Variants in SEC23B observed in about 807,000 individuals in gnomAD.
SEC23B encodes the protein protein transport protein Sec23B.
A neutral mutation model predicts 104.3 loss-of-function variants in SEC23B; 77 were observed. That is an observed-to-expected ratio of 0.74 (90% confidence interval 0.61 to 0.89). SEC23B has a LOEUF of 0.89. Among genes scored for constraint, SEC23B ranks in the 40% least tolerant of loss-of-function variants. SEC23B has a pLI of 0.00. For synonymous variants in SEC23B, 338 were observed against 332.5 expected (o/e 1.02, Z -0.18); for missense variants, 885 against 949.4 (o/e 0.93, Z 0.89).
intron 19 of SEC23B, 22 bp downstream of exon 19, chr20:18,555,195 G>A (rs1171171166): frequency 6.9e-6 from 11 of 1,590,188 alleles, no homozygotes; most frequent in Non-Finnish European, 9.5e-6. Context: ...TCAGGTATTT[G>A]GGGAGGATGC....
intron 19 of SEC23B, among the ~76,000 whole-genome samples, chr20:18,559,208 G>A (rs1158982944): frequency 2.0e-5 from 3 of 152,096 alleles, no homozygotes; most frequent in Non-Finnish European, 4.4e-5. Flanking sequence ...GGGAATGAGA[G>A]TTCCAGCTCC....
chr20:18,511,090 A>G (rs2059978355), intron 2 of SEC23B, 34 bp downstream of exon 2: 1 of 1,471,542 alleles, frequency 6.8e-7, no homozygotes, highest in Admixed American at 1.7e-5. Flanking sequence ...AAAAATGATA[A>G]ATACAATATA....
intron 4 of SEC23B, among the ~76,000 whole-genome samples, chr20:18,522,631 T>A (rs2060094544): frequency 6.6e-6 from 1 of 152,072 alleles, no homozygotes; most frequent in Non-Finnish European, 1.5e-5. Context: ...CTGACCCGGG[T>A]CTTCGGCACC....
At chr20:18,526,064 G>A in intron 7 of SEC23B, 132 bp downstream of exon 7, 3 of 1,125,462 alleles carry the variant, frequency 2.7e-6, no homozygotes, top group Non-Finnish European at 4.0e-6. Flanking sequence ...AAGCATTTGA[G>A]GCATCATTAT....
At chr20:18,519,854 G>C (rs1245986076) in intron 4 of SEC23B, among the ~76,000 whole-genome samples, 1 of 152,176 alleles carries the variant, frequency 6.6e-6, no homozygotes, top group Non-Finnish European at 1.5e-5. Context: ...AGATTAGTCA[G>C]ACATGGTCAG....
rs1272308878 is a variant in SEC23B, at chr20:18,526,643, G to A, written c.993+112G>A. ...CATGTGTCATGGTCAGCAAGACGCT[G>A]TTTCAGAGACAGTTTTCCAATCTTA... On this transcript the variant is annotated intron_variant, in intron 8 of 19. Transcript: ENST00000650089. 15 of 1,132,390 alleles carry A rather than the reference G, an allele frequency of 1.3e-5. No individual in the cohort carries two copies. The East Asian group carries it at 3.3e-4, about 25-fold the overall frequency. 70.1% of individuals were successfully genotyped at this position (1,132,390 alleles called of 1,614,324 possible).
intron 9 of SEC23B, 143 bp downstream of exon 9, chr20:18,527,754 G>A: frequency 1.3e-6 from 1 of 752,648 alleles, no homozygotes; most frequent in South Asian, 1.4e-5. Flanking sequence ...GACTGGGGAG[G>A]GCCTGTGGGC....
In SEC23B at chr20:18,530,813, A is replaced by C. The variant is rs1370135230; in HGVS notation, c.1233+10A>C. On this transcript the variant is annotated intron_variant, in intron 10 of 19. Transcript: ENST00000650089. Reference sequence around the variant, plus strand: ...TACTTTGGACGTAAAGGTACGGTAAACTTTTTTTTTTTTTTATGTGGACTC... The same window carrying C: ...TACTTTGGACGTAAAGGTACGGTAACCTTTTTTTTTTTTTTATGTGGACTC... 2.5e-6 allele frequency: 4 copies of C among 1,572,538 alleles called. No individual in the cohort carries two copies. Among genetic ancestry groups the C allele is most frequent in the Middle Eastern group, 1.7e-4 (1 of 5,790 alleles).
At position 18,535,700 on chromosome 20, in the gene SEC23B, T is replaced by G. The variant is rs1404510845; in HGVS notation, c.1362T>G (p.Asp454Glu). The G allele has an allele frequency of 6.2e-7, 1 of 1,613,596 alleles. No homozygotes were observed. Among genetic ancestry groups the G allele is most frequent in the Non-Finnish European group, 8.5e-7 (1 of 1,179,848 alleles). ...GTSQWKICGLDPTSTLGIYFE... is the reference protein window; with the variant it reads ...GTSQWKICGLEPTSTLGIYFE... Reference sequence around the variant, plus strand: ...GTCAGTGGAAAATCTGTGGCCTAGATCCTACATCTACACTTGGCATCTATT... The same window carrying G: ...GTCAGTGGAAAATCTGTGGCCTAGAGCCTACATCTACACTTGGCATCTATT... Residue 454 changes from aspartate (D) to glutamate (E), a missense_variant, in exon 12 of 20, where the codon GAT (aspartate) becomes GAG (glutamate). Coordinates refer to ENST00000650089, the MANE Select transcript of SEC23B (RefSeq NM_006363.6).
At chr20:18,532,791 C>T (rs543728150) in intron 11 of SEC23B, 47 bp downstream of exon 11, 124 of 1,398,908 alleles carry the variant, frequency 8.9e-5, no homozygotes, top group Admixed American at 2.2e-4. Flanking sequence ...CCGGATTTAA[C>T]CCGTCAGAAG....
At chr20:18,519,066 A>G (rs189762140) in intron 4 of SEC23B, among the ~76,000 whole-genome samples, 42 of 152,268 alleles carry the variant, frequency 2.8e-4, no homozygotes, top group Admixed American at 5.2e-4. Context: ...CCTCAATGAT[A>G]GATGTGGAAG....
intron 4 of SEC23B, among the ~76,000 whole-genome samples, chr20:18,518,414 A>T (rs1195130971): frequency 6.6e-6 from 1 of 152,106 alleles, no homozygotes. Context: ...ATCCCTGAGG[A>T]GTAGTAGAAT....
intron 3 of SEC23B, among the ~76,000 whole-genome samples, chr20:18,512,671 A>G (rs1005580863): frequency 4.6e-5 from 7 of 152,242 alleles, no homozygotes; most frequent in African/African-American, 1.4e-4. Flanking sequence ...GAGTCCAGGT[A>G]TCAGTGTTGA....
intron 12 of SEC23B, among the ~76,000 whole-genome samples, chr20:18,537,893 G>C (rs936687597): frequency 6.6e-6 from 1 of 151,936 alleles, no homozygotes; most frequent in Non-Finnish European, 1.5e-5. Context: ...TGACTGATCA[G>C]GTTAGTAGTT....
At chr20:18,539,072 G>T (rs1163678728) in intron 12 of SEC23B, among the ~76,000 whole-genome samples, 2 of 147,396 alleles carry the variant, frequency 1.4e-5, no homozygotes, top group Admixed American at 6.8e-5. Flanking sequence ...AATTAGCCAC[G>T]CATCGTGGTG....
At chr20:18,529,300 T>C (rs1365033453) in intron 9 of SEC23B, among the ~76,000 whole-genome samples, 1 of 152,182 alleles carries the variant, frequency 6.6e-6, no homozygotes, top group Admixed American at 6.5e-5. Context: ...TTTCACTCAA[T>C]ATCAAGAAGG....
intron 4 of SEC23B, among the ~76,000 whole-genome samples, chr20:18,518,971 C>T (rs1340200177): frequency 3.3e-5 from 5 of 152,098 alleles, no homozygotes; most frequent in Non-Finnish European, 7.3e-5. Flanking sequence ...ATTATTGACA[C>T]GTAATTCCTT....
At chr20:18,542,964 C>A in intron 13 of SEC23B, 55 bp from the exon 14 acceptor site, 1 of 1,608,972 alleles carries the variant, frequency 6.2e-7, no homozygotes, top group Non-Finnish European at 8.5e-7. Flanking sequence ...GAATGGATGT[C>A]TGGCTTTCTG....
Position 18,525,813 on chromosome 20 carries a change from G to A in SEC23B, c.715G>A (p.Asp239Asn). The A allele has an allele frequency of 6.2e-7, 1 of 1,614,176 alleles. No individual in the cohort carries two copies. Among genetic ancestry groups the A allele is most frequent in the Non-Finnish European group, 8.5e-7 (1 of 1,180,020 alleles). ...SRFLQPVHKI[D>N]MNLTDLLGEL... ...ATTTCTGCAGCCTGTTCACAAGATT[G>A]ATATGAACCTCACTGATCTTCTTGG... Residue 239 changes from aspartate to asparagine, a missense_variant, in exon 7 of 20, where the codon GAT becomes AAT. Physicochemically the swap from Asp to Asn is conservative, Grantham distance 23. Coordinates refer to ENST00000650089, the MANE Select transcript of SEC23B (RefSeq NM_006363.6).
Sources: allele counts gnomAD v4.1 joint callset (sites outside exome capture counted in the v4.1 genomes callset), GRCh38; gene constraint gnomAD v4.1.1; transcripts MANE v1.5; gene names NCBI Gene and HGNC (gene_info 2026-07-23, HGNC 2026-07-21).